XKR9: variants seen among roughly 807,000 people sequenced by gnomAD.
The protein encoded by XKR9 is XK related 9, also known as XK-related protein 9.
XKR9 carries 32 observed loss-of-function variants against 32.0 expected under a neutral mutation model. The ratio of observed to expected loss-of-function variants is 1.00; its 90% CI spans 0.76 to 1.34. The LOEUF is 1.34. Ranked by LOEUF, XKR9 falls within the 40% of genes most tolerant of loss-of-function variation. The pLI, the probability that XKR9 is intolerant of heterozygous loss-of-function variation, is 0.00. For synonymous variants in XKR9, 168 were observed against 143.4 expected, an observed-to-expected ratio of 1.17 and a Z score of -1.22; for missense variants, 546 against 429.7, an observed-to-expected ratio of 1.27 and a Z score of -2.39.
the XKR9 span, among the ~76,000 whole-genome samples, chr8:70,810,089 C>G: frequency 6.6e-6 from 1 of 152,232 alleles, no homozygotes; most frequent in African/African-American, 2.4e-5. Context: ...AACAGCTGAT[C>G]TCTCGGCAGA....
intron 4 of XKR9, among the ~76,000 whole-genome samples, chr8:70,731,798 G>A (rs1008093092): frequency 6.6e-6 from 1 of 152,180 alleles, no homozygotes; most frequent in Non-Finnish European, 1.5e-5. Flanking sequence ...GACAAGGAAA[G>A]TTCTCTGAGT....
chr8:70,752,656 C>A (rs1184894814), intron 2 of XKR9, among the ~76,000 whole-genome samples: 1 of 152,110 alleles, frequency 6.6e-6, no homozygotes, highest in African/African-American at 2.4e-5. Flanking sequence ...GGGGACAAAC[C>A]ATAGCAAAGT....
the XKR9 span, among the ~76,000 whole-genome samples, chr8:70,857,501 A>G: frequency 2.0e-5 from 3 of 152,178 alleles, no homozygotes; most frequent in Non-Finnish European, 4.4e-5. Context: ...AAAGTCCAAG[A>G]CCTGATGGAT....
the XKR9 span, among the ~76,000 whole-genome samples, chr8:70,874,906 T>A: frequency 2.6e-4 from 40 of 152,248 alleles, no homozygotes; most frequent in African/African-American, 9.6e-4. Context: ...ATAGTTCCAA[T>A]CAAAATGTAA....
chr8:70,754,063 A>G (rs1807182002), intron 2 of XKR9, among the ~76,000 whole-genome samples: 1 of 147,672 alleles, frequency 6.8e-6, no homozygotes, highest in Admixed American at 7.6e-5. Context: ...CAACTTCGGC[A>G]AAGTCTCAGG....
chr8:70,850,354 C>T, the XKR9 span, among the ~76,000 whole-genome samples: 34 of 149,708 alleles, frequency 2.3e-4, no homozygotes, highest in East Asian at 3.4e-3. Flanking sequence ...CCAGCTACTC[C>T]GGAGGAGGCT....
the XKR9 span, among the ~76,000 whole-genome samples, chr8:71,032,320 GTTACCACAA>G: frequency 6.9e-6 from 1 of 145,566 alleles, no homozygotes; most frequent in African/African-American, 2.5e-5. Context: ...CACTTTGGAA[GTTACCACAA>G]TTCTAAGATG....
chr8:70,818,510 T>G, the XKR9 span, among the ~76,000 whole-genome samples: 7 of 152,198 alleles, frequency 4.6e-5, no homozygotes, highest in Admixed American at 4.6e-4. Flanking sequence ...TATGACTGTT[T>G]ACCACCAAAT....
At position 70,731,356 on chromosome 8, in the gene XKR9, G is replaced by A. The variant is rs559521115; in HGVS notation, c.494-2440G>A. ...TTTTGCTGGCATACCAGGTTTCCAG[G>A]TTCCTTTTCTCTGCAGCTTCCAGAA... is the stretch of plus-strand genomic sequence containing the variant. On this transcript the variant is annotated intron_variant, in intron 4 of 4. Transcript: ENST00000408926. Among the ~76,000 whole-genome samples, 4 of 152,058 alleles carry A rather than the reference G, an allele frequency of 2.6e-5. No homozygotes were observed. In the South Asian group the frequency reaches 6.2e-4, roughly 24 times the overall value.
rs747643509 is a variant in XKR9, at chr8:70,757,336, C to T, written n.353-32003C>T. On this transcript the variant is annotated intron_variant and non_coding_transcript_variant, in intron 2 of 3. Transcript: ENST00000520273. Reference sequence around the variant, plus strand: ...TTTTTTCTCTCTGTTCCTTTGCATGCATAATCTCTGTCAATTTATCTTCCA... The same window carrying T: ...TTTTTTCTCTCTGTTCCTTTGCATGTATAATCTCTGTCAATTTATCTTCCA... Among the ~76,000 whole-genome samples, 9 of 151,920 alleles carry T rather than the reference C, an allele frequency of 5.9e-5. No individual in the cohort carries two copies. The South Asian group carries it at 1.2e-3, about 21-fold the overall frequency.
chr8:70,841,538 T>C, the XKR9 span, among the ~76,000 whole-genome samples: 7 of 152,192 alleles, frequency 4.6e-5, no homozygotes, highest in African/African-American at 1.7e-4. Context: ...ATGTCCCTTA[T>C]AGCATAAGGT....
At chr8:71,045,791 T>G in the XKR9 span, among the ~76,000 whole-genome samples, 4 of 152,156 alleles carry the variant, frequency 2.6e-5, no homozygotes, top group South Asian at 6.2e-4. Flanking sequence ...GATGCAGCTT[T>G]GATGTGGTAT....
chr8:70,792,168 C>T (rs933655706), downstream of XKR9, among the ~76,000 whole-genome samples: 4 of 152,092 alleles, frequency 2.6e-5, no homozygotes, highest in African/African-American at 9.7e-5. Flanking sequence ...CAATAGCTTA[C>T]AAAATATTTT....
chr8:70,760,726 G>A (rs937853066), intron 2 of XKR9, among the ~76,000 whole-genome samples: 1 of 152,144 alleles, frequency 6.6e-6, no homozygotes, highest in Middle Eastern at 3.2e-3. Context: ...TTTATTTTAA[G>A]TTCAGGGGTA....
At chr8:70,829,262 G>C in the XKR9 span, among the ~76,000 whole-genome samples, 1 of 151,996 alleles carries the variant, frequency 6.6e-6, no homozygotes, top group African/African-American at 2.4e-5. Context: ...CTTCTGTATA[G>C]GTTAAACAGG....
At chr8:70,778,605 G>A (rs1040197822) in intron 2 of XKR9, among the ~76,000 whole-genome samples, 2 of 152,144 alleles carry the variant, frequency 1.3e-5, no homozygotes, top group Non-Finnish European at 2.9e-5. Context: ...CCATTTGTTT[G>A]TGTCCTCTTT....
At chr8:70,676,335 T>G (rs1007821742) in intron 2 of XKR9, among the ~76,000 whole-genome samples, 2 of 152,130 alleles carry the variant, frequency 1.3e-5, no homozygotes, top group Admixed American at 6.5e-5. Flanking sequence ...AACATGAGAT[T>G]TGGTAGGGAC....
chr8:70,966,888 T>C, the XKR9 span, among the ~76,000 whole-genome samples: 2 of 152,106 alleles, frequency 1.3e-5, no homozygotes, highest in African/African-American at 4.8e-5. Flanking sequence ...CTTCTTTGTC[T>C]TTTTTGATCT....
At chr8:70,754,114 A>G (rs1163785592) in intron 2 of XKR9, among the ~76,000 whole-genome samples, 6 of 143,290 alleles carry the variant, frequency 4.2e-5, no homozygotes, top group Admixed American at 8.2e-5. Context: ...ATTCTTATAC[A>G]CCAATAACAG....
Sources: allele counts gnomAD v4.1 joint callset (sites outside exome capture counted in the v4.1 genomes callset), GRCh38; gene constraint gnomAD v4.1.1; transcripts MANE v1.5; gene names NCBI Gene and HGNC (gene_info 2026-07-23, HGNC 2026-07-21).